Variants in MARCHF3 observed in about 807,000 individuals in gnomAD.
MARCHF3 encodes the protein membrane associated ring-CH-type finger 3.
In MARCHF3, 13 loss-of-function variants were observed where a neutral mutation model predicts 24.2. That is an observed-to-expected ratio of 0.54 (90% CI 0.35 to 0.85). MARCHF3 has a LOEUF of 0.85. Ranked by LOEUF, MARCHF3 falls within the 40% of genes least tolerant of loss-of-function variation. MARCHF3 has a pLI of 0.01. For synonymous variants in MARCHF3, 144 were observed against 137.3 expected (o/e 1.05, Z -0.34); for missense variants, 276 against 325.0 (o/e 0.85, Z 1.16).
intron 4 of MARCHF3, among the ~76,000 whole-genome samples, chr5:126,871,799 C>A (rs7716932): frequency 2.6e-5 from 4 of 151,992 alleles, no homozygotes; most frequent in Admixed American, 6.5e-5. Flanking sequence ...CTCTGCCTCA[C>A]GGGTTCAAGC....
intron 3 of MARCHF3, among the ~76,000 whole-genome samples, chr5:126,896,881 T>C (rs1228496184): frequency 6.6e-6 from 1 of 152,058 alleles, no homozygotes. Flanking sequence ...AACCTGTATT[T>C]GGACAATGGA....
intron 3 of MARCHF3, among the ~76,000 whole-genome samples, chr5:126,893,350 C>G (rs1253498776): frequency 2.0e-5 from 3 of 150,882 alleles, no homozygotes; most frequent in African/African-American, 7.3e-5. Flanking sequence ...TGTGTTTGCT[C>G]TTGCATTTCT....
intron 1 of MARCHF3, among the ~76,000 whole-genome samples, chr5:126,957,791 C>A (rs1330001006): frequency 5.3e-5 from 8 of 152,016 alleles, no homozygotes; most frequent in Non-Finnish European, 1.0e-4. Flanking sequence ...TGTTGTTTAT[C>A]CTTCCTGATA....
At chr5:126,949,629 C>T (rs1750149246) in intron 1 of MARCHF3, among the ~76,000 whole-genome samples, 1 of 152,184 alleles carries the variant, frequency 6.6e-6, no homozygotes, top group Non-Finnish European at 1.5e-5. Flanking sequence ...CCTGGAGAGA[C>T]AGACATGTGG....
chr5:127,009,576 G>A (rs1224741698), intron 1 of MARCHF3, among the ~76,000 whole-genome samples: 1 of 152,066 alleles, frequency 6.6e-6, no homozygotes, highest in Non-Finnish European at 1.5e-5. Flanking sequence ...CTTATATAAA[G>A]GGACAGAGTT....
intron 1 of MARCHF3, among the ~76,000 whole-genome samples, chr5:126,922,867 G>A (rs1198314699): frequency 6.6e-6 from 1 of 152,134 alleles, no homozygotes; most frequent in Non-Finnish European, 1.5e-5. Flanking sequence ...TTTTAAAACT[G>A]TCTTTCCTCA....
chr5:127,020,458 A>G (rs1752758318), intron 1 of MARCHF3, among the ~76,000 whole-genome samples: 1 of 152,332 alleles, frequency 6.6e-6, no homozygotes, highest in South Asian at 2.1e-4. Context: ...ATCTCCCCAA[A>G]AAGACATTGA....
intron 1 of MARCHF3, among the ~76,000 whole-genome samples, chr5:127,027,710 T>TTAA (rs1753049562): frequency 6.6e-6 from 1 of 152,152 alleles, no homozygotes; most frequent in South Asian, 2.1e-4. Flanking sequence ...AGACAGAGAG[T>TTAA]TAATGCATTA....
Position 126,869,698 on chromosome 5 carries a change from G to A in MARCHF3, c.*935C>T, listed in dbSNP as rs1449473655. On this transcript the variant is annotated 3_prime_UTR_variant, in exon 5 of 5. Coordinates refer to ENST00000308660, the MANE Select transcript of MARCHF3 (RefSeq NM_178450.5). ...TCTAGGGTTCCTAGAAATGTCTAAT[G>A]ATCCTCCAATTCATTACGAATCCCG... 1 of 140,332 alleles carries A rather than the reference G, an allele frequency of 7.1e-6. No homozygotes were observed. Among genetic ancestry groups the A allele is most frequent in the Non-Finnish European group, 1.5e-5 (1 of 65,864 alleles). 8.7% of individuals were successfully genotyped at this position (140,332 alleles called of 1,614,324 possible). A position where few individuals can be genotyped will look rare whatever the true frequency, so the allele number is the denominator to read the frequency against.
intron 3 of MARCHF3, among the ~76,000 whole-genome samples, chr5:126,897,848 A>C (rs1265964716): frequency 6.6e-6 from 1 of 152,126 alleles, no homozygotes; most frequent in African/African-American, 2.4e-5. Flanking sequence ...AAAAATCAGA[A>C]ATAAAAAATT....
At chr5:126,962,588 T>G (rs1750673722) in intron 1 of MARCHF3, among the ~76,000 whole-genome samples, 2 of 152,138 alleles carry the variant, frequency 1.3e-5, no homozygotes, top group Admixed American at 1.3e-4. Context: ...GATAGTTCAA[T>G]ATACACAACT....
chr5:126,870,823 G>A, intron 4 of MARCHF3, 32 bp from the exon 5 acceptor site: 1 of 1,611,952 alleles, frequency 6.2e-7, no homozygotes, highest in Non-Finnish European at 8.5e-7. Context: ...TAAGAGAAAA[G>A]AATTCAGGTC....
At chr5:126,953,599 T>C (rs948415214) in intron 1 of MARCHF3, among the ~76,000 whole-genome samples, 1 of 152,366 alleles carries the variant, frequency 6.6e-6, no homozygotes, top group Admixed American at 6.5e-5. Flanking sequence ...CATATTGCTA[T>C]ACAATATGGA....
intron 4 of MARCHF3, among the ~76,000 whole-genome samples, chr5:126,875,680 G>A (rs1314847283): frequency 6.6e-6 from 1 of 151,888 alleles, no homozygotes; most frequent in East Asian, 2.0e-4. Context: ...ACCAGTCAAA[G>A]GGGGAGAGAT....
chr5:127,011,189 A>C (rs904466675), intron 1 of MARCHF3, among the ~76,000 whole-genome samples: 1 of 152,226 alleles, frequency 6.6e-6, no homozygotes, highest in Non-Finnish European at 1.5e-5. Flanking sequence ...TGAAAATGTA[A>C]GCCTAGGAAG....
rs374685245 is a variant in MARCHF3, at chr5:126,915,053, T to G, written c.270A>C (p.Thr90=). The change falls in exon 3 of 5, where the codon ACA becomes ACC. Residue 90 remains threonine (T), a synonymous_variant. Transcript: ENST00000308660. The part of the protein sequence containing the change: ...QEDLLSPCEC[T]GTLGTIHRSC... Reference sequence around the variant, plus strand: ...TCCGATGAATTGTCCCCAAGGTCCCTGTACATTCACATGGAGAGAGCAAGT... The same window carrying G: ...TCCGATGAATTGTCCCCAAGGTCCCGGTACATTCACATGGAGAGAGCAAGT... The G allele has an allele frequency of 1.2e-6, 2 of 1,614,194 alleles. No individual in the cohort carries two copies. Among genetic ancestry groups the G allele is most frequent in the South Asian group, 1.1e-5 (1 of 91,084 alleles).
rs1169856446 is a variant in MARCHF3 at position 126,913,976 on chromosome 5, C to CTTT, written c.393+951_393+953dup. 2.7e-3 allele frequency among the ~76,000 whole-genome samples: 288 copies of CTTT among 107,912 alleles called. 2 individuals carry two copies. The highest frequency in any genetic ancestry group is 3.6e-3 in the East Asian group (13 of 3,630). The allele number at this position is 107,912 out of a possible 152,430, so 70.8% of individuals were successfully genotyped here. A position where few individuals can be genotyped will look rare whatever the true frequency, so the allele number is the denominator to read the frequency against. On this transcript the variant is annotated intron_variant, in intron 3 of 4. Coordinates refer to ENST00000308660, the MANE Select transcript of MARCHF3 (RefSeq NM_178450.5). ...AATATTTACTGTTGCCAATATCCAACTTTTTTTTTTTTTTTTTTTTTTTTT... is the reference window on the plus strand; with the variant it reads ...AATATTTACTGTTGCCAATATCCAACTTTTTTTTTTTTTTTTTTTTTTTTTTTT...
At chr5:126,996,105 T>C (rs988865582) in intron 1 of MARCHF3, among the ~76,000 whole-genome samples, 2 of 152,194 alleles carry the variant, frequency 1.3e-5, no homozygotes, top group African/African-American at 4.8e-5. Context: ...AAGCCACGAG[T>C]ATTTGAAAAT....
At chr5:127,017,120 G>A (rs896477764) in intron 1 of MARCHF3, among the ~76,000 whole-genome samples, 1 of 152,166 alleles carries the variant, frequency 6.6e-6, no homozygotes, top group Non-Finnish European at 1.5e-5. Context: ...GTCAGGTGGT[G>A]GGGGGCTGGG....
Sources: allele counts gnomAD v4.1 joint callset (sites outside exome capture counted in the v4.1 genomes callset), GRCh38; gene constraint gnomAD v4.1.1; transcripts MANE v1.5; gene names NCBI Gene and HGNC (gene_info 2026-07-23, HGNC 2026-07-21).